Variants in MYCBP2 observed in about 807,000 individuals in gnomAD.
MYCBP2 encodes MYC binding protein 2, also known as E3 ubiquitin-protein ligase MYCBP2.
Under a neutral mutation model 525.3 loss-of-function variants are expected in MYCBP2, and 120 were observed. The ratio of observed to expected loss-of-function variants is 0.23; its 90% CI spans 0.20 to 0.27. MYCBP2 has a LOEUF of 0.27. Among genes scored for constraint, MYCBP2 ranks in the 10% least tolerant of loss-of-function variants. The pLI is 1.00. For synonymous variants in MYCBP2, 1,894 were observed against 1,955.8 expected (o/e 0.97, Z 0.83); for missense variants, 4,149 against 5,657.1 (o/e 0.73, Z 8.55).
At chr13:77,183,700 C>A (rs962412048) in intron 32 of MYCBP2, among the ~76,000 whole-genome samples, 2 of 151,590 alleles carry the variant, frequency 1.3e-5, no homozygotes, top group East Asian at 3.9e-4. Flanking sequence ...TACAGCTGTG[C>A]ACCACCATGC....
intron 16 of MYCBP2, 104 bp downstream of exon 16, chr13:77,243,702 T>C (rs1048467505): frequency 1.0e-6 from 1 of 982,228 alleles, no homozygotes; most frequent in Admixed American, 3.1e-5. Flanking sequence ...ACATTAATTA[T>C]TATCCTAATT....
chr13:77,286,755 CAAAAAAAAAAA>C (rs869038227), intron 3 of MYCBP2, among the ~76,000 whole-genome samples: 3 of 11,354 alleles, frequency 2.6e-4, no homozygotes, highest in African/African-American at 4.6e-4. Context: ...GACTCCGTCT[CAAAAAAAAAAA>C]AAAAAAAAAA....
chr13:77,187,690 A>G (rs1172560424), intron 30 of MYCBP2, among the ~76,000 whole-genome samples: 1 of 152,224 alleles, frequency 6.6e-6, no homozygotes, highest in African/African-American at 2.4e-5. Context: ...GTAAGAAACA[A>G]GCAAGCATGT....
At chr13:77,179,157 AT>A (rs1282180046) in intron 34 of MYCBP2, among the ~76,000 whole-genome samples, 20 of 152,212 alleles carry the variant, frequency 1.3e-4, no homozygotes, top group African/African-American at 4.3e-4. Context: ...TAATGTGTAT[AT>A]ATTGGATGGG....
intron 68 of MYCBP2, among the ~76,000 whole-genome samples, chr13:77,073,827 G>A (rs1283510026): frequency 1.3e-5 from 2 of 152,028 alleles, no homozygotes. Context: ...AATAAAATAT[G>A]TACAAGATGT....
At chr13:77,266,746 GAA>G (rs56408804) in intron 8 of MYCBP2, among the ~76,000 whole-genome samples, 47,559 of 89,360 alleles carry the variant, frequency 0.53, 12,253 homozygotes, top group Non-Finnish European at 0.65. Context: ...GACTTGTAAT[GAA>G]AAAAAAAAAA....
At chr13:77,294,143 C>CATATATATATATAG (rs2077913987) in intron 2 of MYCBP2, among the ~76,000 whole-genome samples, 1 of 39,712 alleles carries the variant, frequency 2.5e-5, no homozygotes, top group Non-Finnish European at 8.0e-5. Flanking sequence ...TATATATATA[C>CATATATATATATAG]ATATATATAA....
At chr13:77,090,049 A>T in intron 60 of MYCBP2, 57 bp downstream of exon 60, 1 of 1,408,460 alleles carries the variant, frequency 7.1e-7, no homozygotes, top group Non-Finnish European at 9.4e-7. Flanking sequence ...AAATAAAACA[A>T]TTTTTTTATT....
At chr13:77,252,297 A>C (rs1252237236) in intron 14 of MYCBP2, among the ~76,000 whole-genome samples, 1 of 152,170 alleles carries the variant, frequency 6.6e-6, no homozygotes, top group Non-Finnish European at 1.5e-5. Flanking sequence ...ATGTAAAATC[A>C]ATTTTTAGCT....
At chr13:77,218,806 T>C (rs527405285) in intron 20 of MYCBP2, among the ~76,000 whole-genome samples, 5 of 152,308 alleles carry the variant, frequency 3.3e-5, no homozygotes, top group South Asian at 2.1e-4. Context: ...ACAACCATTA[T>C]AGAAATAGTC....
At chr13:77,250,147 C>T (rs1440971013) in intron 15 of MYCBP2, among the ~76,000 whole-genome samples, 4 of 149,192 alleles carry the variant, frequency 2.7e-5, no homozygotes, top group Admixed American at 6.7e-5. Flanking sequence ...GGCGTGAACC[C>T]GGGAGGCGGA....
In MYCBP2 at chr13:77,181,792, C is replaced by A; in HGVS notation, c.4850G>T (p.Arg1617Leu). The A allele has an allele frequency of 6.2e-7, 1 of 1,614,068 alleles. No homozygotes were observed. The highest frequency in any genetic ancestry group is 1.1e-5 in the South Asian group (1 of 91,072). The change falls in exon 33 of 83, where the codon CGA becomes CTA. Residue 1617 changes from arginine (R) to leucine (L), a missense_variant. Physicochemically the swap from Arg to Leu is moderately radical, Grantham distance 102. This residue lies in a region of MYCBP2 where 292 missense variants were observed against 330.5 expected (regional missense o/e 0.88). Transcript: ENST00000544440. ...PIAYDGEVLL[R>L]SIVKQVSTEN... ...TGTACTAACTTGTTTAACAATTGATCGTAGTAATACTTCTCCATCATACGC... is the reference window on the plus strand; with the variant it reads ...TGTACTAACTTGTTTAACAATTGATAGTAGTAATACTTCTCCATCATACGC...
intron 55 of MYCBP2, 140 bp downstream of exon 55, chr13:77,121,233 A>T: frequency 1.2e-6 from 1 of 831,620 alleles, no homozygotes. Flanking sequence ...ACCTTTGTAA[A>T]CATTTTTTAT....
In MYCBP2 at chr13:77,081,811, C is replaced by G. The variant is rs369984255; in HGVS notation, c.11193+26G>C. ...GATGTATTATTAACTAACAGGACAA[C>G]CAGGATAATAACTGAAATGACTGAC... On this transcript the variant is annotated intron_variant, in intron 64 of 82. Coordinates refer to ENST00000544440, the MANE Select transcript of MYCBP2 (RefSeq NM_015057.5). The surrounding 1 kb of genome is among the most constrained non-coding windows in gnomAD (Gnocchi z 4.6). 1 of 1,600,092 alleles carries G rather than the reference C, an allele frequency of 6.2e-7. No individual in the cohort carries two copies. The highest frequency in any genetic ancestry group is 1.3e-5 in the African/African-American group (1 of 74,552).
At chr13:77,239,899 T>G (rs1291684918) in intron 17 of MYCBP2, among the ~76,000 whole-genome samples, 1 of 152,212 alleles carries the variant, frequency 6.6e-6, no homozygotes, top group East Asian at 1.9e-4. Context: ...TTAAAATGGC[T>G]TCAGTTGTAA....
intron 1 of MYCBP2, among the ~76,000 whole-genome samples, chr13:77,300,782 G>A (rs1019685445): frequency 5.3e-5 from 8 of 152,278 alleles, no homozygotes; most frequent in African/African-American, 1.4e-4. Flanking sequence ...AGGCCAATGC[G>A]CCTGCTTCAA....
chr13:77,087,061 C>T (rs540522777), intron 62 of MYCBP2, among the ~76,000 whole-genome samples: 1 of 152,212 alleles, frequency 6.6e-6, no homozygotes, highest in Admixed American at 6.5e-5. Flanking sequence ...AGTTCTTGCT[C>T]ATGGTGTCTT....
At position 77,278,930 on chromosome 13, in the gene MYCBP2, T is replaced by C; in HGVS notation, c.595-19A>G. 1.3e-6 allele frequency: 2 copies of C among 1,519,952 alleles called. No homozygotes were observed. The highest frequency in any genetic ancestry group is 1.8e-6 in the Non-Finnish European group (2 of 1,132,882). The allele number at this position is 1,519,952 out of a possible 1,614,324, so 94.2% of individuals were successfully genotyped here. A position where few individuals can be genotyped will look rare whatever the true frequency, so the allele number is the denominator to read the frequency against. On this transcript the variant is annotated intron_variant, in intron 3 of 82. Transcript: ENST00000544440. ...CAATAATCTATTTAAAAGGAAAAAA[T>C]ATATATACTTTATGACATGTAAGCT... is the stretch of plus-strand genomic sequence containing the variant.
chr13:77,299,010 A>AC (rs1555468918), intron 1 of MYCBP2, among the ~76,000 whole-genome samples: 2 of 152,038 alleles, frequency 1.3e-5, no homozygotes, highest in Non-Finnish European at 1.5e-5. Flanking sequence ...TCTTCATACT[A>AC]TTTAGGAAAC....
Sources: gnomAD v4.1 joint callset for allele counts (sites outside exome capture counted in the v4.1 genomes callset) on GRCh38, gnomAD v4.1.1 for gene constraint, gnomAD v4.1.1 regional missense constraint, Gnocchi (gnomAD v3.1) non-coding constraint, MANE v1.5 for transcripts, NCBI Gene and HGNC (gene_info 2026-07-23, HGNC 2026-07-21) for gene names.